The following DENND1A variants were observed in gnomAD, a reference collection of about 807,000 sequenced individuals.
DENND1A encodes the protein DENN domain-containing protein 1A.
Under a neutral mutation model 113.7 loss-of-function variants are expected in DENND1A, and 51 were observed. The observed-to-expected ratio is 0.45, with a 90% CI of 0.36 to 0.57. The LOEUF is 0.57. Among genes scored for constraint, DENND1A ranks in the 20% least tolerant of loss-of-function variants. The probability of loss-of-function intolerance (pLI) is 0.00; values close to 1 mark genes in which losing one functional copy is unlikely to be tolerated. For missense variants in DENND1A, 1,258 were observed against 1,395.9 expected, an observed-to-expected ratio of 0.90 and a Z score of 1.57; for synonymous variants, 565 against 570.8, an observed-to-expected ratio of 0.99 and a Z score of 0.14.
chr9:123,787,984 T>C (rs1432476810), intron 3 of DENND1A, among the ~76,000 whole-genome samples: 1 of 152,124 alleles, frequency 6.6e-6, no homozygotes, highest in Non-Finnish European at 1.5e-5. Flanking sequence ...AACAGCAATC[T>C]ACATATACAG....
intron 1 of DENND1A, among the ~76,000 whole-genome samples, chr9:123,899,843 A>C (rs947080931): frequency 6.6e-6 from 1 of 152,226 alleles, no homozygotes; most frequent in Non-Finnish European, 1.5e-5. Flanking sequence ...CCATTGGGAC[A>C]CTATAAATTT....
At chr9:123,549,034 T>C (rs1005821504) in intron 13 of DENND1A, among the ~76,000 whole-genome samples, 3 of 152,230 alleles carry the variant, frequency 2.0e-5, no homozygotes, top group Non-Finnish European at 2.9e-5. Context: ...ATGAACTGTA[T>C]ACTTAACAAT....
chr9:123,549,545 A>C (rs1479534181), intron 13 of DENND1A, among the ~76,000 whole-genome samples: 4 of 152,124 alleles, frequency 2.6e-5, no homozygotes, highest in Non-Finnish European at 5.9e-5. Flanking sequence ...TCCTGCTCAC[A>C]GACTCAGTTC....
At chr9:123,746,029 GA>G in intron 5 of DENND1A, among the ~76,000 whole-genome samples, 1 of 152,280 alleles carries the variant, frequency 6.6e-6, no homozygotes, top group South Asian at 2.1e-4. Context: ...ATACATAGGT[GA>G]AAAAATTAAT....
chr9:123,432,880 G>A (rs1297108403), intron 19 of DENND1A, among the ~76,000 whole-genome samples: 1 of 152,222 alleles, frequency 6.6e-6, no homozygotes, highest in Non-Finnish European at 1.5e-5. Context: ...GTGGCACTGG[G>A]CCTCCTCTGG....
At position 123,553,716 on chromosome 9, in the gene DENND1A, C is replaced by T. The variant is rs1033793758; in HGVS notation, c.993+3854G>A. ...GCCACCACTGTATCTCACCTTGCGACGATAGGATTATGGGTGGTGCTTTCT... is the reference window on the plus strand; with the variant it reads ...GCCACCACTGTATCTCACCTTGCGATGATAGGATTATGGGTGGTGCTTTCT... On this transcript the variant is annotated intron_variant, in intron 13 of 23. Coordinates refer to ENST00000394215, the MANE Select transcript of DENND1A (RefSeq NM_001352964.2). Among the ~76,000 whole-genome samples the T allele has an allele frequency of 2.0e-4, 30 of 152,206 alleles. No individual in the cohort carries two copies. The East Asian group carries it at 3.3e-3, about 17-fold the overall frequency.
At chr9:123,885,826 C>G (rs1848989611) in intron 1 of DENND1A, among the ~76,000 whole-genome samples, 1 of 152,178 alleles carries the variant, frequency 6.6e-6, no homozygotes, top group South Asian at 2.1e-4. Flanking sequence ...GTTGCCCAGG[C>G]TGGAGTGCAG....
chr9:123,383,623 C>T (rs1797254116), intron 23 of DENND1A, 32 bp downstream of exon 23: 1 of 1,598,792 alleles, frequency 6.3e-7, no homozygotes, highest in African/African-American at 1.3e-5. Flanking sequence ...GTGCCGGCCC[C>T]CGGCCGATAC....
intron 19 of DENND1A, among the ~76,000 whole-genome samples, chr9:123,421,214 G>T (rs752905515): frequency 2.0e-5 from 3 of 147,806 alleles, no homozygotes; most frequent in Non-Finnish European, 4.5e-5. Flanking sequence ...TAGGTACCAG[G>T]CCCCGTGCTA....
intron 2 of DENND1A, among the ~76,000 whole-genome samples, chr9:123,832,851 G>T (rs533620130): frequency 6.6e-6 from 1 of 152,224 alleles, no homozygotes; most frequent in South Asian, 2.1e-4. Flanking sequence ...TAAGATAATG[G>T]TTTTAGCTGG....
At chr9:123,548,050 A>T (rs759418077) in intron 13 of DENND1A, among the ~76,000 whole-genome samples, 9 of 152,336 alleles carry the variant, frequency 5.9e-5, no homozygotes, top group Non-Finnish European at 1.3e-4. Flanking sequence ...TTCCAGAGTC[A>T]TCTTCTAGTA....
intron 5 of DENND1A, among the ~76,000 whole-genome samples, chr9:123,729,508 A>C (rs973443900): frequency 6.6e-6 from 1 of 152,190 alleles, no homozygotes; most frequent in Non-Finnish European, 1.5e-5. Flanking sequence ...TCCCATTCAC[A>C]ATTGCTACAA....
At chr9:123,518,980 G>C (rs1321740424) in intron 13 of DENND1A, among the ~76,000 whole-genome samples, 2 of 152,200 alleles carry the variant, frequency 1.3e-5, no homozygotes, top group Non-Finnish European at 2.9e-5. Flanking sequence ...GCCTAAATCT[G>C]TAACTTCAAC....
chr9:123,830,582 G>C (rs1191086527), intron 2 of DENND1A, among the ~76,000 whole-genome samples: 1 of 151,940 alleles, frequency 6.6e-6, no homozygotes, highest in Non-Finnish European at 1.5e-5. Flanking sequence ...AGGGAAAAGA[G>C]GGCCGGGCAC....
At chr9:123,929,056 A>T (rs1857570362) in intron 1 of DENND1A, among the ~76,000 whole-genome samples, 1 of 152,212 alleles carries the variant, frequency 6.6e-6, no homozygotes, top group South Asian at 2.1e-4. Flanking sequence ...GGGGAGATAG[A>T]GTCGAAAGCC....
intron 13 of DENND1A, among the ~76,000 whole-genome samples, chr9:123,487,319 T>C (rs1252389352): frequency 6.6e-6 from 1 of 152,216 alleles, no homozygotes; most frequent in East Asian, 1.9e-4. Context: ...AAGCCAGGGT[T>C]TAACCAAGTC....
chr9:123,724,777 T>C (rs1315801676), intron 5 of DENND1A, among the ~76,000 whole-genome samples: 1 of 152,120 alleles, frequency 6.6e-6, no homozygotes, highest in Non-Finnish European at 1.5e-5. Context: ...AAATAAAGAC[T>C]AAGAAGAATA....
At chr9:123,488,762 G>C (rs1302175477) in intron 13 of DENND1A, among the ~76,000 whole-genome samples, 2 of 152,152 alleles carry the variant, frequency 1.3e-5, no homozygotes, top group African/African-American at 4.8e-5. Context: ...CTGTCCTCTG[G>C]GGGAGAGATG....
intron 2 of DENND1A, among the ~76,000 whole-genome samples, chr9:123,807,516 AAG>A (rs1835798575): frequency 6.6e-6 from 1 of 152,212 alleles, no homozygotes; most frequent in African/African-American, 2.4e-5. Context: ...TCTCCCCAGT[AAG>A]TAAAATAAGC....
Sources: allele counts gnomAD v4.1 joint callset (sites outside exome capture counted in the v4.1 genomes callset), GRCh38; gene constraint gnomAD v4.1.1; transcripts MANE v1.5; gene names NCBI Gene and HGNC (gene_info 2026-07-23, HGNC 2026-07-21).